Variants in TOMM34 observed in about 807,000 individuals in gnomAD.
The protein encoded by TOMM34 is translocase of outer mitochondrial membrane 34.
TOMM34 carries 24 observed loss-of-function variants against 37.4 expected under a neutral mutation model. That is an observed-to-expected ratio of 0.64 (90% confidence interval 0.46 to 0.90). The LOEUF is 0.90. Among genes scored for constraint, TOMM34 ranks in the 40% least tolerant of loss-of-function variants. The pLI, the probability that TOMM34 is intolerant of heterozygous loss-of-function variation, is 0.00. For synonymous variants in TOMM34, 154 were observed against 148.9 expected (o/e 1.03, Z -0.25); for missense variants, 304 against 375.6 (o/e 0.81, Z 1.58).
At chr20:44,952,136 CT>C in intron 3 of TOMM34, 134 bp from the exon 4 acceptor site, 1 of 996,058 alleles carries the variant, frequency 1.0e-6, no homozygotes, top group Non-Finnish European at 1.4e-6. Flanking sequence ...GGAACCACCT[CT>C]TTAGCTCCTC....
At chr20:44,952,734 A>G (rs1276893645) in intron 3 of TOMM34, 12 of 715,058 alleles carry the variant, frequency 1.7e-5, no homozygotes, top group Non-Finnish European at 2.9e-5. Flanking sequence ...CCAAGGCCCA[A>G]TCAGTTATGT....
At chr20:44,947,204 T>C (rs1671769504) in intron 5 of TOMM34, among the ~76,000 whole-genome samples, 1 of 152,212 alleles carries the variant, frequency 6.6e-6, no homozygotes, top group Non-Finnish European at 1.5e-5. Flanking sequence ...CTTTTTCAAA[T>C]TAGCCTGGCA....
intron 1 of TOMM34, chr20:44,959,866 C>G (rs1186090856): frequency 3.1e-6 from 3 of 955,600 alleles, no homozygotes; most frequent in Non-Finnish European, 3.7e-6. Flanking sequence ...AATGCGCTGT[C>G]CTTGAGAGAA....
At chr20:44,959,618 A>AG (rs201425745) in intron 1 of TOMM34, among the ~76,000 whole-genome samples, 3,268 of 152,124 alleles carry the variant, frequency 0.021, 47 homozygotes, top group Non-Finnish European at 0.035. Flanking sequence ...ATCGTCTTGG[A>AG]GGGGGGGCCT....
In TOMM34 at chr20:44,953,985, G is replaced by A. The variant is rs146547634; in HGVS notation, c.380+1083C>T. On this transcript the variant is annotated intron_variant, in intron 3 of 6. Coordinates refer to ENST00000372813, the MANE Select transcript of TOMM34 (RefSeq NM_006809.5). Reference sequence around the variant, plus strand: ...TTGTGTGACTTGGCCTCACCAACCTGTCCCAAGCTGAGCTCCTGCCTGCAG... The same window carrying A: ...TTGTGTGACTTGGCCTCACCAACCTATCCCAAGCTGAGCTCCTGCCTGCAG... 4.7e-3 allele frequency among the ~76,000 whole-genome samples: 712 copies of A among 152,322 alleles called. 5 individuals are homozygous for A. Among genetic ancestry groups the A allele is most frequent in the African/African-American group, 0.016 (679 of 41,566 alleles).
intron 2 of TOMM34, 36 bp from the exon 3 acceptor site, chr20:44,955,256 G>A: frequency 6.2e-7 from 1 of 1,606,884 alleles, no homozygotes; most frequent in Non-Finnish European, 8.5e-7. Flanking sequence ...CTGGCTGGCT[G>A]CTGAGCCACC....
At chr20:44,944,981 T>G (rs1490123302) in intron 5 of TOMM34, among the ~76,000 whole-genome samples, 1 of 152,180 alleles carries the variant, frequency 6.6e-6, no homozygotes. Context: ...AAGAATACCT[T>G]CCCCACTGCA....
intron 1 of TOMM34, among the ~76,000 whole-genome samples, chr20:44,957,946 A>C (rs771550842): frequency 6.6e-6 from 1 of 152,120 alleles, no homozygotes; most frequent in Non-Finnish European, 1.5e-5. Flanking sequence ...CCCAACCCTT[A>C]AAAATTTTTT....
intron 4 of TOMM34, among the ~76,000 whole-genome samples, chr20:44,951,000 G>A (rs771347453): frequency 4.6e-5 from 7 of 152,138 alleles, no homozygotes; most frequent in Non-Finnish European, 1.0e-4. Flanking sequence ...TGCTTCTCCA[G>A]GGATTCACAC....
At chr20:44,946,178 A>G (rs913810030) in intron 5 of TOMM34, among the ~76,000 whole-genome samples, 13 of 152,172 alleles carry the variant, frequency 8.5e-5, no homozygotes, top group African/African-American at 3.1e-4. Flanking sequence ...TAAGGAAATT[A>G]AAGTTTCCTC....
intron 5 of TOMM34, among the ~76,000 whole-genome samples, chr20:44,944,657 C>T (rs926914935): frequency 6.6e-6 from 1 of 152,056 alleles, no homozygotes; most frequent in East Asian, 1.9e-4. Flanking sequence ...TTGAGACCAG[C>T]CTGGGCAACA....
At chr20:44,952,075 T>G in intron 3 of TOMM34, 73 bp from the exon 4 acceptor site, 1 of 1,521,592 alleles carries the variant, frequency 6.6e-7, no homozygotes, top group Non-Finnish European at 8.8e-7. Flanking sequence ...CACACACCCA[T>G]GGGAGGTAGG....
Position 44,943,434 on chromosome 20 carries a change from G to C in TOMM34, c.825+19C>G, listed in dbSNP as rs142993173. The C allele has an allele frequency of 1.0e-3, 1,651 of 1,614,092 alleles. 9 individuals are homozygous for C. In the African/African-American group the frequency reaches 0.019, roughly 19 times the overall value. On this transcript the variant is annotated intron_variant, in intron 6 of 6. Transcript: ENST00000372813. ...CTCTGTAGCTATGTTGGGACCTTTTGGCCAGGATTTTTTTTTACCTTGAGT... is the reference window on the plus strand; with the variant it reads ...CTCTGTAGCTATGTTGGGACCTTTTCGCCAGGATTTTTTTTTACCTTGAGT...
At chr20:44,951,807 AC>A in intron 4 of TOMM34, 25 bp downstream of exon 4, 1 of 1,604,290 alleles carries the variant, frequency 6.2e-7, no homozygotes, top group Non-Finnish European at 8.5e-7. Context: ...AGATTGCAAG[AC>A]TCTGGGCAGG....
rs1232839522 is a variant in TOMM34, at chr20:44,943,435, G to C, written c.825+18C>G. The C allele has an allele frequency of 6.2e-7, 1 of 1,614,080 alleles. No individual in the cohort carries two copies. Among genetic ancestry groups the C allele is most frequent in the Non-Finnish European group, 8.5e-7 (1 of 1,180,012 alleles). On this transcript the variant is annotated intron_variant, in intron 6 of 6. Coordinates refer to ENST00000372813, the MANE Select transcript of TOMM34 (RefSeq NM_006809.5). Reference sequence around the variant, plus strand: ...TCTGTAGCTATGTTGGGACCTTTTGGCCAGGATTTTTTTTTACCTTGAGTG... The same window carrying C: ...TCTGTAGCTATGTTGGGACCTTTTGCCCAGGATTTTTTTTTACCTTGAGTG...
Position 44,952,014 on chromosome 20 carries a change from G to A in TOMM34, c.381-12C>T. 6.2e-7 allele frequency: 1 copy of A among 1,603,448 alleles called. No individual in the cohort carries two copies. Among genetic ancestry groups the A allele is most frequent in the Non-Finnish European group, 8.5e-7 (1 of 1,174,554 alleles). ...GAGCTCTGGTCATTCTGGAAAAGAA[G>A]GCAGGATTGCAGGGAGGTTTCCAGC... On this transcript the variant is annotated splice_polypyrimidine_tract_variant and intron_variant, in intron 3 of 6. Coordinates refer to ENST00000372813, the MANE Select transcript of TOMM34 (RefSeq NM_006809.5).
intron 1 of TOMM34, among the ~76,000 whole-genome samples, chr20:44,958,089 T>C (rs376675402): frequency 7.9e-6 from 1 of 127,318 alleles, no homozygotes; most frequent in Admixed American, 8.6e-5. Flanking sequence ...TATATGTATA[T>C]ATGTATATGT....
At chr20:44,951,758 A>T in intron 4 of TOMM34, 75 bp downstream of exon 4, 1 of 1,515,018 alleles carries the variant, frequency 6.6e-7, no homozygotes, top group Non-Finnish European at 8.9e-7. Flanking sequence ...AAACAATGCC[A>T]ATTTTTGCAG....
In TOMM34 at chr20:44,943,434, G is replaced by A; in HGVS notation, c.825+19C>T. The A allele has an allele frequency of 6.2e-7, 1 of 1,614,092 alleles. No individual in the cohort carries two copies. Among genetic ancestry groups the A allele is most frequent in the Non-Finnish European group, 8.5e-7 (1 of 1,180,016 alleles). On this transcript the variant is annotated intron_variant, in intron 6 of 6. Coordinates refer to ENST00000372813, the MANE Select transcript of TOMM34 (RefSeq NM_006809.5). Reference sequence around the variant, plus strand: ...CTCTGTAGCTATGTTGGGACCTTTTGGCCAGGATTTTTTTTTACCTTGAGT... The same window carrying A: ...CTCTGTAGCTATGTTGGGACCTTTTAGCCAGGATTTTTTTTTACCTTGAGT...
Sources: allele counts gnomAD v4.1 joint callset (sites outside exome capture counted in the v4.1 genomes callset), GRCh38; gene constraint gnomAD v4.1.1; transcripts MANE v1.5; gene names NCBI Gene and HGNC (gene_info 2026-07-23, HGNC 2026-07-21).